SLIT3: variants seen among roughly 807,000 people sequenced by gnomAD.
The protein encoded by SLIT3 is slit homolog 3 protein.
A neutral mutation model predicts 184.0 loss-of-function variants in SLIT3; 68 were observed. That is an observed-to-expected ratio of 0.37 (90% CI 0.30 to 0.45). SLIT3 has a LOEUF of 0.45. Among genes scored for constraint, SLIT3 ranks in the 20% least tolerant of loss-of-function variants. The probability of loss-of-function intolerance (pLI) is 1.00; values close to 1 mark genes in which losing one functional copy is unlikely to be tolerated. For missense variants in SLIT3, 1,707 were observed against 2,026.0 expected, an observed-to-expected ratio of 0.84 and a Z score of 3.02; for synonymous variants, 831 against 828.6, an observed-to-expected ratio of 1.00 and a Z score of -0.05.
chr5:169,168,488 T>A (rs1420434265), intron 4 of SLIT3, among the ~76,000 whole-genome samples: 1 of 152,240 alleles, frequency 6.6e-6, no homozygotes, highest in Non-Finnish European at 1.5e-5. Flanking sequence ...AAATGTTTAC[T>A]GAGACAGTGT....
intron 1 of SLIT3, among the ~76,000 whole-genome samples, chr5:169,294,307 C>T (rs1581147978): frequency 6.7e-6 from 1 of 149,322 alleles, no homozygotes; most frequent in South Asian, 2.2e-4. Context: ...GAAAACCCAC[C>T]CCCCAAAAAT....
rs369185971 is a variant in SLIT3 at position 168,923,537 on chromosome 5, G to A, written c.414-40201C>T. On this transcript the variant is annotated intron_variant, in intron 4 of 35. Coordinates refer to ENST00000519560, the MANE Select transcript of SLIT3 (RefSeq NM_003062.4). Reference sequence around the variant, plus strand: ...ATATCTTTTTTTTTTTTTTTTTTGAGATGGAGTCTCACTCTGTTGCCCAGG... The same window carrying A: ...ATATCTTTTTTTTTTTTTTTTTTGAAATGGAGTCTCACTCTGTTGCCCAGG... 2.2e-3 allele frequency among the ~76,000 whole-genome samples: 302 copies of A among 135,426 alleles called. 1 individual carries two copies. Among genetic ancestry groups the A allele is most frequent in the African/African-American group, 8.0e-3 (286 of 35,768 alleles). The allele number at this position is 135,426 out of a possible 152,430, so 88.8% of individuals were successfully genotyped here. A position where few individuals can be genotyped will look rare whatever the true frequency, so the allele number is the denominator to read the frequency against.
chr5:168,983,784 C>T (rs565774832), intron 4 of SLIT3, among the ~76,000 whole-genome samples: 11 of 152,200 alleles, frequency 7.2e-5, no homozygotes, highest in African/African-American at 1.2e-4. Flanking sequence ...AGGTATGATA[C>T]GAGCAGAGAA....
chr5:168,856,540 C>G (rs951844121), intron 5 of SLIT3, among the ~76,000 whole-genome samples: 2 of 152,120 alleles, frequency 1.3e-5, no homozygotes, highest in African/African-American at 4.8e-5. Context: ...CTCCCAATCA[C>G]TCAAGATTCA....
Position 168,817,357 on chromosome 5 carries a change from C to T in SLIT3, c.736G>A (p.Val246Met). The part of the protein sequence containing the change: ...VGQFTLCMAP[V>M]HLRGFNVADV... ...GCCACGTTGAAGCCCCTCAAATGCA[C>T]AGGAGCCATGCAGAGTGTGAACTGG... Residue 246 changes from valine to methionine, a missense_variant, in exon 8 of 36, where the codon GTG becomes ATG. By Grantham distance (21) the Val-to-Met change is conservative. This residue lies in a region of SLIT3 where 1,307 missense variants were observed against 1,511.6 expected (regional missense o/e 0.86). Coordinates refer to ENST00000519560, the MANE Select transcript of SLIT3 (RefSeq NM_003062.4). The T allele has an allele frequency of 1.2e-6, 2 of 1,614,192 alleles. No individual in the cohort carries two copies.
intron 4 of SLIT3, among the ~76,000 whole-genome samples, chr5:168,923,182 G>C (rs1486559399): frequency 1.3e-5 from 2 of 152,128 alleles, no homozygotes; most frequent in Non-Finnish European, 2.9e-5. Context: ...GAATGTTTTG[G>C]GGGAAACAGT....
intron 16 of SLIT3, among the ~76,000 whole-genome samples, chr5:168,760,355 A>G (rs1755102024): frequency 6.6e-6 from 1 of 152,192 alleles, no homozygotes; most frequent in South Asian, 2.1e-4. Context: ...TGCCTAGGCC[A>G]AGGCATGGTC....
intron 4 of SLIT3, among the ~76,000 whole-genome samples, chr5:168,963,884 T>C (rs1009882941): frequency 6.6e-6 from 1 of 152,184 alleles, no homozygotes; most frequent in South Asian, 2.1e-4. Flanking sequence ...TTTCCTACCA[T>C]AGTGCCTTAA....
At chr5:169,272,105 G>A (rs1330307998) in intron 1 of SLIT3, among the ~76,000 whole-genome samples, 2 of 152,196 alleles carry the variant, frequency 1.3e-5, no homozygotes, top group Non-Finnish European at 2.9e-5. Flanking sequence ...AGGGGGCTGG[G>A]GATCTGACTT....
At chr5:168,804,967 C>T (rs574189338) in intron 9 of SLIT3, among the ~76,000 whole-genome samples, 1 of 152,294 alleles carries the variant, frequency 6.6e-6, no homozygotes, top group East Asian at 1.9e-4. Flanking sequence ...TTTGCACATG[C>T]GATTCCCTCA....
At chr5:168,709,893 A>G (rs910664537) in intron 25 of SLIT3, among the ~76,000 whole-genome samples, 4 of 152,184 alleles carry the variant, frequency 2.6e-5, no homozygotes, top group Non-Finnish European at 5.9e-5. Flanking sequence ...TGAGAGTCTA[A>G]TGAAAAATGC....
intron 1 of SLIT3, among the ~76,000 whole-genome samples, chr5:169,288,453 A>G (rs546517954): frequency 2.0e-5 from 3 of 152,278 alleles, no homozygotes; most frequent in South Asian, 2.1e-4. Flanking sequence ...GCTTTCATCA[A>G]TGATTCCTGA....
intron 1 of SLIT3, among the ~76,000 whole-genome samples, chr5:169,297,226 AG>A (rs1165914130): frequency 1.3e-5 from 2 of 152,084 alleles, no homozygotes; most frequent in African/African-American, 4.8e-5. Flanking sequence ...CTCCTCATGG[AG>A]GGGGAAAAAT....
At chr5:168,811,345 T>C (rs1261445224) in intron 8 of SLIT3, among the ~76,000 whole-genome samples, 4 of 152,184 alleles carry the variant, frequency 2.6e-5, no homozygotes, top group East Asian at 1.9e-4. Flanking sequence ...ATTCTTTTTT[T>C]CCCCCTTAGC....
chr5:169,114,743 G>A (rs1288532573), intron 4 of SLIT3, among the ~76,000 whole-genome samples: 1 of 152,226 alleles, frequency 6.6e-6, no homozygotes, highest in African/African-American at 2.4e-5. Context: ...TCTTAGGGCT[G>A]GAGGCCTGCT....
intron 4 of SLIT3, among the ~76,000 whole-genome samples, chr5:168,989,812 C>T (rs1050074555): frequency 6.6e-6 from 1 of 152,200 alleles, no homozygotes; most frequent in African/African-American, 2.4e-5. Context: ...AGGATGGGAC[C>T]TGAACAAGTT....
chr5:168,786,382 T>C (rs1249043406), intron 11 of SLIT3, among the ~76,000 whole-genome samples: 2 of 152,142 alleles, frequency 1.3e-5, no homozygotes, highest in Admixed American at 6.5e-5. Flanking sequence ...CTACAGGACG[T>C]TTCCTTTTAA....
intron 4 of SLIT3, among the ~76,000 whole-genome samples, chr5:169,143,472 G>A (rs1372125676): frequency 6.6e-6 from 1 of 152,212 alleles, no homozygotes; most frequent in South Asian, 2.1e-4. Context: ...CTACATTGCT[G>A]CAGTATGATT....
At chr5:169,265,087 T>C (rs1766346087) in intron 1 of SLIT3, among the ~76,000 whole-genome samples, 1 of 152,186 alleles carries the variant, frequency 6.6e-6, no homozygotes, top group African/African-American at 2.4e-5. Flanking sequence ...GCATGGGGTC[T>C]CTTTTCCTTC....
Sources: gnomAD v4.1 joint callset for allele counts (sites outside exome capture counted in the v4.1 genomes callset) on GRCh38, gnomAD v4.1.1 for gene constraint, gnomAD v4.1.1 regional missense constraint, MANE v1.5 for transcripts, NCBI Gene and HGNC (gene_info 2026-07-23, HGNC 2026-07-21) for gene names.